The following MGAM variants were observed in gnomAD, a reference collection of about 807,000 sequenced individuals.
The protein encoded by MGAM is alpha-1,4-glucosidase.
In MGAM, 253 loss-of-function variants were observed where a neutral mutation model predicts 358.8. The observed-to-expected ratio is 0.71, with a 90% CI of 0.64 to 0.78. MGAM has a LOEUF of 0.78. MGAM is among the 30% of genes least tolerant of loss of function. MGAM has a pLI of 0.00. For synonymous variants in MGAM, 1,105 were observed against 1,227.1 expected, an observed-to-expected ratio of 0.90 and a Z score of 2.08; for missense variants, 3,080 against 3,432.6, an observed-to-expected ratio of 0.90 and a Z score of 2.57.
intron 66 of MGAM, among the ~76,000 whole-genome samples, chr7:142,099,008 A>T (rs1816203751): frequency 6.6e-6 from 1 of 152,174 alleles, no homozygotes; most frequent in Non-Finnish European, 1.5e-5. Context: ...TTTGCAAATA[A>T]AGTTTTATTG....
In MGAM at chr7:142,066,679, C is replaced by T. The variant is rs1812790199; in HGVS notation, c.4877C>T (p.Ala1626Val). Reference protein sequence around the residue: ...LPYLYTLMQKAHTEGVTVVRP... With the variant: ...LPYLYTLMQKVHTEGVTVVRP... ...TATCTGTATACCTTGATGCAAAAGG[C>T]CCACACGGAGGGCGTCACTGTTGTG... Residue 1626 changes from alanine to valine, a missense_variant, in exon 41 of 71, where the codon GCC becomes GTC. Physicochemically the swap from Ala to Val is moderately conservative, Grantham distance 64 (BLOSUM62 0). Transcript: ENST00000475668. The T allele has an allele frequency of 6.4e-7, 1 of 1,556,026 alleles. No individual in the cohort carries two copies. The highest frequency in any genetic ancestry group is 8.8e-7 in the Non-Finnish European group (1 of 1,132,556).
At chr7:142,022,047 C>G (rs1806513350) in intron 6 of MGAM, among the ~76,000 whole-genome samples, 1 of 152,096 alleles carries the variant, frequency 6.6e-6, no homozygotes, top group East Asian at 1.9e-4. Context: ...ATGTAGTAGG[C>G]TGTCTGGTCT....
At chr7:142,070,176 G>A (rs1372385081) in intron 43 of MGAM, among the ~76,000 whole-genome samples, 2 of 135,580 alleles carry the variant, frequency 1.5e-5, no homozygotes, top group African/African-American at 5.1e-5. Flanking sequence ...CTGGGTGACG[G>A]AACCAGACTT....
At position 142,066,777 on chromosome 7, in the gene MGAM, G is replaced by A. The variant is rs552808949; in HGVS notation, c.4919+56G>A. 1.5e-4 allele frequency: 219 copies of A among 1,509,892 alleles called. 32 individuals are homozygous for A. The highest frequency in any genetic ancestry group is 3.4e-4 in the Middle Eastern group (2 of 5,848). The allele number at this position is 1,509,892 out of a possible 1,614,324, so 93.5% of individuals were successfully genotyped here. A position where few individuals can be genotyped will look rare whatever the true frequency, so the allele number is the denominator to read the frequency against. ...ATGGATGACTTATTGCATTCTATGT[G>A]GTAGCAGTTGATATACACAACGCTT... On this transcript the variant is annotated intron_variant, in intron 41 of 70. Coordinates refer to ENST00000475668, the MANE Select transcript of MGAM (RefSeq NM_001365693.1).
At chr7:141,999,879 G>A (rs190887133) in intron 1 of MGAM, among the ~76,000 whole-genome samples, 236 of 152,100 alleles carry the variant, frequency 1.6e-3, no homozygotes, top group Non-Finnish European at 2.2e-3. Flanking sequence ...AATGCAGGAA[G>A]TAAGGTCAAT....
At chr7:141,995,482 G>A (rs1804157616), upstream of MGAM, among the ~76,000 whole-genome samples, 1 of 152,204 alleles carries the variant, frequency 6.6e-6, no homozygotes, top group African/African-American at 2.4e-5. Context: ...TCATCAGATT[G>A]TGCTACTAAA....
At chr7:142,053,989 C>G (rs551805473) in intron 26 of MGAM, among the ~76,000 whole-genome samples, 27 of 152,332 alleles carry the variant, frequency 1.8e-4, no homozygotes, top group African/African-American at 6.5e-4. Flanking sequence ...TTCTGGCCCA[C>G]TTTAATTCTC....
At chr7:142,001,161 T>C (rs1374671089) in intron 1 of MGAM, among the ~76,000 whole-genome samples, 1 of 152,242 alleles carries the variant, frequency 6.6e-6, no homozygotes, top group East Asian at 1.9e-4. Flanking sequence ...GAATGTGAGA[T>C]AGTGGTGACA....
intron 21 of MGAM, among the ~76,000 whole-genome samples, chr7:142,043,092 A>T (rs371268102): frequency 1.5e-4 from 10 of 67,094 alleles, no homozygotes; most frequent in African/African-American, 7.1e-4. Context: ...TAATATATAT[A>T]TTATATATAC....
At chr7:142,055,505 A>T (rs1811422870) in intron 27 of MGAM, 53 bp from the exon 28 acceptor site, 1 of 1,609,842 alleles carries the variant, frequency 6.2e-7, no homozygotes. Flanking sequence ...CACCTGCTGG[A>T]AACAGAGATA....
chr7:141,997,437 A>G (rs1280697793), intron 1 of MGAM, among the ~76,000 whole-genome samples: 1 of 152,192 alleles, frequency 6.6e-6, no homozygotes, highest in African/African-American at 2.4e-5. Context: ...CAAGATGCCA[A>G]TGATTATTTT....
chr7:142,034,346 T>C lies in MGAM; in HGVS notation c.1754T>C (p.Leu585Pro). 6.3e-7 allele frequency: 1 copy of C among 1,593,748 alleles called. No individual in the cohort carries two copies. The highest frequency in any genetic ancestry group is 8.5e-7 in the Non-Finnish European group (1 of 1,169,656). ...GGCAAGCAGTATGACATTCACAATC[T>C]GTATGGCTACTCCATGGCGGTCGCC... Reference protein sequence around the residue: ...HWGKQYDIHNLYGYSMAVATA... With the variant: ...HWGKQYDIHNPYGYSMAVATA... The change falls in exon 15 of 71, where the codon CTG (leucine) becomes CCG (proline). Residue 585 changes from leucine to proline, a missense_variant. Coordinates refer to ENST00000475668, the MANE Select transcript of MGAM (RefSeq NM_001365693.1).
intron 52 of MGAM, 99 bp from the exon 53 acceptor site, chr7:142,083,202 C>CTACTCTAT: frequency 1.0e-6 from 1 of 954,666 alleles, no homozygotes; most frequent in Non-Finnish European, 1.6e-6. Flanking sequence ...TACTACTCTA[C>CTACTCTAT]GATAGGGAGG....
intron 22 of MGAM, among the ~76,000 whole-genome samples, chr7:142,048,473 G>A (rs1387251803): frequency 1.7e-5 from 1 of 58,306 alleles, no homozygotes; most frequent in Non-Finnish European, 5.8e-5. Context: ...TATTGTCAAT[G>A]GGTGCTTAGA....
At chr7:142,067,638 G>T (rs4072660) in intron 42 of MGAM, among the ~76,000 whole-genome samples, 1 of 140,492 alleles carries the variant, frequency 7.1e-6, no homozygotes, top group Admixed American at 7.3e-5. Flanking sequence ...ATTCTGGTTC[G>T]TAGGATGATC....
rs367762104 is a variant in MGAM at position 142,041,772 on chromosome 7, C to T, written c.2498+926C>T. Among the ~76,000 whole-genome samples the T allele has an allele frequency of 2.7e-5, 4 of 146,256 alleles. No homozygotes were observed. The East Asian group carries it at 7.9e-4, about 29-fold the overall frequency. On this transcript the variant is annotated intron_variant, in intron 21 of 70. Coordinates refer to ENST00000475668, the MANE Select transcript of MGAM (RefSeq NM_001365693.1). The stretch of plus-strand genomic sequence containing the variant: ...CTTTGCCTGGTGTATTCTTAATGAT[C>T]CAAATGAAACTTTACATTTCAGCAG...
chr7:142,028,352 TG>T (rs1807158874), intron 10 of MGAM, among the ~76,000 whole-genome samples: 1 of 152,106 alleles, frequency 6.6e-6, no homozygotes, highest in Admixed American at 6.6e-5. Context: ...AAAGAGGAAT[TG>T]AGGAAGTGGA....
chr7:142,081,386 A>G (rs1456045131), intron 50 of MGAM, among the ~76,000 whole-genome samples: 1 of 119,592 alleles, frequency 8.4e-6, no homozygotes, highest in East Asian at 2.6e-4. Flanking sequence ...AGATCTCGCC[A>G]AGAAGGTGAT....
chr7:142,099,003 A>T (rs1256806883), intron 66 of MGAM, among the ~76,000 whole-genome samples: 1 of 152,232 alleles, frequency 6.6e-6, no homozygotes, highest in Non-Finnish European at 1.5e-5. Flanking sequence ...GCTGATTTGC[A>T]AATAAAGTTT....
Sources: allele counts gnomAD v4.1 joint callset (sites outside exome capture counted in the v4.1 genomes callset), GRCh38; gene constraint gnomAD v4.1.1; transcripts MANE v1.5; gene names NCBI Gene and HGNC (gene_info 2026-07-23, HGNC 2026-07-21).